CDK13: variants seen among roughly 807,000 people sequenced by gnomAD.
CDK13 encodes cyclin dependent kinase 13, also known as cyclin-dependent kinase 13.
A neutral mutation model predicts 137.6 loss-of-function variants in CDK13; 40 were observed. The ratio of observed to expected loss-of-function variants is 0.29; its 90% confidence interval spans 0.23 to 0.38. The LOEUF is 0.38. Among genes scored for constraint, CDK13 ranks in the 10% least tolerant of loss-of-function variants. The pLI, the probability that CDK13 is intolerant of heterozygous loss-of-function variation, is 1.00. For synonymous variants in CDK13, 869 were observed against 760.1 expected, an observed-to-expected ratio of 1.14 and a Z score of -2.36; for missense variants, 1,704 against 1,951.8, an observed-to-expected ratio of 0.87 and a Z score of 2.39.
intron 9 of CDK13, among the ~76,000 whole-genome samples, chr7:40,074,018 C>T (rs1786483642): frequency 6.6e-6 from 1 of 151,582 alleles, no homozygotes; most frequent in Non-Finnish European, 1.5e-5. Context: ...TTCTCTGCCT[C>T]AGCCTCCCAA....
intron 2 of CDK13, among the ~76,000 whole-genome samples, chr7:39,996,750 G>T (rs2116305552): frequency 6.6e-6 from 1 of 152,102 alleles, no homozygotes; most frequent in South Asian, 2.1e-4. Flanking sequence ...ATCACTTGAG[G>T]TTGGGAGTTC....
chr7:39,982,819 G>C (rs1583942362), intron 1 of CDK13, among the ~76,000 whole-genome samples: 1 of 152,250 alleles, frequency 6.6e-6, no homozygotes, highest in Admixed American at 6.5e-5. Context: ...GTCTTCTTTT[G>C]AGAATTGTCT....
At chr7:40,081,505 G>A (rs905094755) in intron 11 of CDK13, among the ~76,000 whole-genome samples, 1 of 151,978 alleles carries the variant, frequency 6.6e-6, no homozygotes, top group South Asian at 2.1e-4. Flanking sequence ...TGTTACTCCC[G>A]TAGGCTTTTA....
intron 1 of CDK13, among the ~76,000 whole-genome samples, chr7:39,983,498 T>TTG: frequency 6.6e-6 from 1 of 152,368 alleles, no homozygotes; most frequent in African/African-American, 2.4e-5. Context: ...AAGAGATTAA[T>TTG]AGTTCAGAAG....
intron 5 of CDK13, among the ~76,000 whole-genome samples, chr7:40,035,779 C>T (rs570529616): frequency 1.3e-5 from 2 of 148,750 alleles, no homozygotes; most frequent in Admixed American, 6.8e-5. Context: ...TCCACCCACC[C>T]GTCCCCCCAT....
At chr7:39,999,523 A>G in intron 4 of CDK13, 23 bp downstream of exon 4, 1 of 1,576,334 alleles carries the variant, frequency 6.3e-7, no homozygotes, top group South Asian at 1.2e-5. Context: ...AGTTCTGGGG[A>G]TCTTTGGGCC....
chr7:40,003,413 T>C (rs533607799), intron 5 of CDK13, among the ~76,000 whole-genome samples: 2 of 152,242 alleles, frequency 1.3e-5, no homozygotes, highest in South Asian at 4.1e-4. Flanking sequence ...GTTTGTCTTT[T>C]TAACTTTATT....
chr7:39,955,753 T>A (rs1258885193), intron 1 of CDK13, among the ~76,000 whole-genome samples: 2 of 152,200 alleles, frequency 1.3e-5, no homozygotes, highest in African/African-American at 4.8e-5. Context: ...TTACAAAGAT[T>A]GGCTAAAAAC....
chr7:40,005,844 C>T (rs982694111), intron 5 of CDK13, among the ~76,000 whole-genome samples: 1 of 152,172 alleles, frequency 6.6e-6, no homozygotes, highest in Non-Finnish European at 1.5e-5. Context: ...GCCTCAGCCT[C>T]CCAAGTAGCT....
At chr7:39,992,163 G>GGGGGTGTGTGTGT (rs550297232) in intron 2 of CDK13, among the ~76,000 whole-genome samples, 1 of 146,310 alleles carries the variant, frequency 6.8e-6, no homozygotes. Flanking sequence ...AACTAATGAG[G>GGGGGTGTGTGTGT]GTGTGTGTGT....
At chr7:40,028,325 T>G (rs1785290119) in intron 5 of CDK13, among the ~76,000 whole-genome samples, 1 of 151,804 alleles carries the variant, frequency 6.6e-6, no homozygotes, top group Non-Finnish European at 1.5e-5. Flanking sequence ...TTCACGTCAT[T>G]CTGCTGCCTC....
chr7:39,953,045 A>G (rs1049410637), intron 1 of CDK13: 4 of 152,148 alleles, frequency 2.6e-5, no homozygotes, highest in African/African-American at 9.7e-5. Flanking sequence ...GATGTACAGT[A>G]CCTCTAAGTA....
chr7:40,048,075 A>G (rs1785789929), intron 7 of CDK13, 198 bp downstream of exon 7: 1 of 393,648 alleles, frequency 2.5e-6, no homozygotes, highest in African/African-American at 2.0e-5. Context: ...CAATTTAAAA[A>G]TTGATCTTCA....
chr7:40,077,775 G>GA (rs2150535823), intron 9 of CDK13, among the ~76,000 whole-genome samples: 1 of 152,262 alleles, frequency 6.6e-6, no homozygotes, highest in South Asian at 2.1e-4. Context: ...AGAATCACTT[G>GA]AACCCAGGAG....
At chr7:39,999,114 A>G (rs558898858) in intron 3 of CDK13, 5 of 306,496 alleles carry the variant, frequency 1.6e-5, no homozygotes, top group African/African-American at 1.1e-4. Context: ...AAGCTCTACT[A>G]CTTTTTTTCT....
At chr7:40,053,889 G>A (rs533576241) in intron 7 of CDK13, among the ~76,000 whole-genome samples, 2 of 152,142 alleles carry the variant, frequency 1.3e-5, no homozygotes, top group African/African-American at 4.8e-5. Context: ...GATGATGTAG[G>A]TATCATTCTT....
At chr7:39,957,870 A>G (rs914091987) in intron 1 of CDK13, among the ~76,000 whole-genome samples, 1 of 152,226 alleles carries the variant, frequency 6.6e-6, no homozygotes, top group Non-Finnish European at 1.5e-5. Flanking sequence ...TAATATTCAC[A>G]TATAAGATAA....
At chr7:39,979,985 A>G (rs1253878839) in intron 1 of CDK13, among the ~76,000 whole-genome samples, 4 of 152,188 alleles carry the variant, frequency 2.6e-5, no homozygotes, top group African/African-American at 9.6e-5. Flanking sequence ...AGAAGGAACA[A>G]AGCTCTGGTG....
intron 9 of CDK13, among the ~76,000 whole-genome samples, chr7:40,064,782 CTTTTT>C (rs545885222): frequency 2.2e-5 from 3 of 134,544 alleles, no homozygotes; most frequent in South Asian, 2.4e-4. Context: ...TTTTATGTTA[CTTTTT>C]TTTTTTTTTT....
Sources: gnomAD v4.1 joint callset for allele counts (sites outside exome capture counted in the v4.1 genomes callset) on GRCh38, gnomAD v4.1.1 for gene constraint, MANE v1.5 for transcripts, NCBI Gene and HGNC (gene_info 2026-07-23, HGNC 2026-07-21) for gene names.